The following TMEM181 variants were observed in gnomAD, a reference collection of about 807,000 sequenced individuals.
TMEM181 encodes G protein-coupled receptor 178.
A neutral mutation model predicts 71.9 loss-of-function variants in TMEM181; 39 were observed. The ratio of observed to expected loss-of-function variants is 0.54; its 90% confidence interval spans 0.42 to 0.71. The LOEUF is 0.71. Among genes scored for constraint, TMEM181 ranks in the 30% least tolerant of loss-of-function variants. The probability of loss-of-function intolerance (pLI) is 0.00; values close to 1 mark genes in which losing one functional copy is unlikely to be tolerated. For synonymous variants in TMEM181, 245 were observed against 228.8 expected (o/e 1.07, Z -0.64); for missense variants, 595 against 583.0 (o/e 1.02, Z -0.21).
Position 158,608,391 on chromosome 6 carries a change from C to G in TMEM181, c.732C>G (p.Asp244Glu). Residue 244 changes from aspartate (D) to glutamate (E), a missense_variant, in exon 9 of 17, where the codon GAC becomes GAG. By Grantham distance (45) the Asp-to-Glu change is conservative (BLOSUM62 2). Transcript: ENST00000684151. ...VNSWLPGMLD[D>E]LFQSMFLCAL... ...GCTGGCTCCCAGGGATGCTGGATGACCTCTTTCAGTCCATGTTCCTGTGCG... is the reference window on the plus strand; with the variant it reads ...GCTGGCTCCCAGGGATGCTGGATGAGCTCTTTCAGTCCATGTTCCTGTGCG... 6.2e-7 allele frequency: 1 copy of G among 1,614,256 alleles called. No homozygotes were observed. Among genetic ancestry groups the G allele is most frequent in the Non-Finnish European group, 8.5e-7 (1 of 1,180,052 alleles).
chr6:158,630,379 C>T (rs887327947), intron 15 of TMEM181, among the ~76,000 whole-genome samples: 2 of 152,002 alleles, frequency 1.3e-5, no homozygotes, highest in Non-Finnish European at 2.9e-5. Context: ...GCCTGTAGTC[C>T]TAGCTACTCG....
rs141809433 is a variant in TMEM181 at position 158,608,291 on chromosome 6, C to T, written c.674-42C>T. 4.1e-4 allele frequency: 655 copies of T among 1,611,996 alleles called. 4 individuals are homozygous for T. In the East Asian group the frequency reaches 0.013, roughly 33 times the overall value. ...TGGGGTGCTGTCTGCCAGGTGCTGG[C>T]GGGCCTGTTTTCCACATGGATTTCT... On this transcript the variant is annotated intron_variant, in intron 8 of 16. Coordinates refer to ENST00000684151, the MANE Select transcript of TMEM181 (RefSeq NM_001376852.1).
At chr6:158,607,454 G>A (rs191342757) in intron 8 of TMEM181, 111 bp downstream of exon 8, 1 of 981,802 alleles carries the variant, frequency 1.0e-6, no homozygotes, top group Non-Finnish European at 1.6e-6. Context: ...GGGGCAGGAG[G>A]ACTGCTTGAA....
chr6:158,580,854 TGTGA>T lies in TMEM181; in HGVS notation c.113-83_113-80del, dbSNP rs539350867. On this transcript the variant is annotated intron_variant, in intron 2 of 16. Transcript: ENST00000684151. ...GAATTAAGGTCATCTCCGTGTAATG[TGTGA>T]GTCTTTCTTGGAATTTGGAAAAAAA... 116 of 1,232,780 alleles carry T rather than the reference TGTGA, an allele frequency of 9.4e-5. No individual in the cohort carries two copies. In the African/African-American group the frequency reaches 1.3e-3, roughly 14 times the overall value. 76.4% of individuals were successfully genotyped at this position (1,232,780 alleles called of 1,614,324 possible).
At chr6:158,545,442 C>T (rs1342798405) in intron 1 of TMEM181, among the ~76,000 whole-genome samples, 7 of 152,212 alleles carry the variant, frequency 4.6e-5, no homozygotes, top group Non-Finnish European at 8.8e-5. Flanking sequence ...GCAGCTTGAG[C>T]GAAGGGCTGA....
intron 6 of TMEM181, among the ~76,000 whole-genome samples, chr6:158,594,178 A>C (rs941515065): frequency 6.9e-6 from 1 of 145,310 alleles, no homozygotes; most frequent in East Asian, 2.0e-4. Flanking sequence ...AGCTCACTGC[A>C]ACCTCCGCCT....
intron 3 of TMEM181, 57 bp from the exon 4 acceptor site, chr6:158,583,897 G>A (rs1582985039): frequency 3.8e-6 from 5 of 1,303,110 alleles, no homozygotes; most frequent in South Asian, 1.4e-5. Flanking sequence ...AAACGATGAG[G>A]TATTTGGTAG....
intron 1 of TMEM181, among the ~76,000 whole-genome samples, chr6:158,570,656 A>T (rs1782754513): frequency 6.6e-6 from 1 of 152,106 alleles, no homozygotes; most frequent in South Asian, 2.1e-4. Context: ...GCTCTGAGAC[A>T]GCGCTGCAGG....
chr6:158,541,237 G>A (rs1009862455), intron 1 of TMEM181, among the ~76,000 whole-genome samples: 2 of 151,896 alleles, frequency 1.3e-5, no homozygotes, highest in Non-Finnish European at 2.9e-5. Flanking sequence ...CCAACGTGGC[G>A]AAACTCCATC....
chr6:158,613,749 A>G (rs748597332), intron 10 of TMEM181, among the ~76,000 whole-genome samples: 19 of 152,242 alleles, frequency 1.2e-4, no homozygotes, highest in African/African-American at 9.6e-5. Flanking sequence ...TACCGCACTG[A>G]TGCACACAAC....
At chr6:158,541,305 TACTC>T (rs955491428) in intron 1 of TMEM181, among the ~76,000 whole-genome samples, 2 of 152,038 alleles carry the variant, frequency 1.3e-5, no homozygotes, top group African/African-American at 2.4e-5. Context: ...TAATCCCAGT[TACTC>T]AGGAGGCTGA....
At chr6:158,628,251 C>T (rs1786446833) in intron 13 of TMEM181, 157 bp from the exon 14 acceptor site, 1 of 727,790 alleles carries the variant, frequency 1.4e-6, no homozygotes, top group Non-Finnish European at 2.5e-6. Context: ...TGCATGTGTG[C>T]ATCTGTGCGT....
intron 14 of TMEM181, among the ~76,000 whole-genome samples, chr6:158,629,148 T>A (rs1266994653): frequency 6.6e-6 from 1 of 152,174 alleles, no homozygotes; most frequent in Non-Finnish European, 1.5e-5. Context: ...CACTCTTTGT[T>A]GGGGACACTT....
At chr6:158,619,503 G>A (rs909002624) in intron 10 of TMEM181, among the ~76,000 whole-genome samples, 4 of 152,150 alleles carry the variant, frequency 2.6e-5, no homozygotes, top group Non-Finnish European at 4.4e-5. Context: ...CTGTCAACTC[G>A]TCAAAGTCAT....
intron 1 of TMEM181, among the ~76,000 whole-genome samples, chr6:158,563,227 T>C (rs1782286733): frequency 6.6e-6 from 1 of 152,202 alleles, no homozygotes. Flanking sequence ...CACTGCAACC[T>C]CTGCCTCCCG....
chr6:158,593,299 C>T (rs988088957), intron 6 of TMEM181, among the ~76,000 whole-genome samples: 13 of 152,136 alleles, frequency 8.5e-5, no homozygotes, highest in Middle Eastern at 3.4e-3. Context: ...AAGAAAAGCA[C>T]GTGAATTAGA....
chr6:158,594,600 GTTGTTT>G (rs1784293873), intron 6 of TMEM181, among the ~76,000 whole-genome samples: 3 of 152,296 alleles, frequency 2.0e-5, no homozygotes, highest in East Asian at 1.9e-4. Context: ...CAACATCTTG[GTTGTTT>G]TTAAGTTTTG....
chr6:158,606,744 T>G (rs1784979533), intron 7 of TMEM181, among the ~76,000 whole-genome samples: 1 of 152,180 alleles, frequency 6.6e-6, no homozygotes, highest in African/African-American at 2.4e-5. Context: ...ACTCCTACAT[T>G]CTCTTGGCTT....
At chr6:158,560,833 C>T (rs1194931849) in intron 1 of TMEM181, among the ~76,000 whole-genome samples, 3 of 151,406 alleles carry the variant, frequency 2.0e-5, no homozygotes, top group Non-Finnish European at 1.5e-5. Flanking sequence ...TTTTTCTTTA[C>T]CTCTTTGAAG....
Sources: allele counts gnomAD v4.1 joint callset (sites outside exome capture counted in the v4.1 genomes callset), GRCh38; gene constraint gnomAD v4.1.1; transcripts MANE v1.5; gene names NCBI Gene and HGNC (gene_info 2026-07-23, HGNC 2026-07-21).